Variants in CDKAL1 observed in about 807,000 individuals in gnomAD.
CDKAL1 encodes threonylcarbamoyladenosine tRNA methylthiotransferase.
A neutral mutation model predicts 68.2 loss-of-function variants in CDKAL1; 32 were observed. The observed-to-expected ratio is 0.47, with a 90% CI of 0.35 to 0.63. The LOEUF is 0.63. CDKAL1 is among the 30% of genes least tolerant of loss of function. The probability of loss-of-function intolerance (pLI) is 0.00; values close to 1 mark genes in which losing one functional copy is unlikely to be tolerated. For missense variants in CDKAL1, 606 were observed against 696.7 expected (o/e 0.87, Z 1.47); for synonymous variants, 234 against 244.3 (o/e 0.96, Z 0.39).
At chr6:21,186,062 A>G (rs1777997038) in intron 13 of CDKAL1, among the ~76,000 whole-genome samples, 1 of 145,560 alleles carries the variant, frequency 6.9e-6, no homozygotes, top group African/African-American at 2.5e-5. Context: ...AGCTAAGCCA[A>G]GAAGTATGGG....
chr6:21,174,516 A>G (rs1303003713), intron 13 of CDKAL1, among the ~76,000 whole-genome samples: 2 of 152,194 alleles, frequency 1.3e-5, no homozygotes, highest in African/African-American at 4.8e-5. Flanking sequence ...TAAACACATG[A>G]AAAGAATTCC....
intron 7 of CDKAL1, among the ~76,000 whole-genome samples, chr6:20,760,565 G>A (rs1356909725): frequency 2.0e-5 from 3 of 152,168 alleles, no homozygotes; most frequent in Non-Finnish European, 4.4e-5. Flanking sequence ...GCTAGTAAGT[G>A]ACAGCATTGG....
chr6:20,715,582 T>C (rs2127836318), intron 5 of CDKAL1, among the ~76,000 whole-genome samples: 1 of 152,264 alleles, frequency 6.6e-6, no homozygotes, highest in South Asian at 2.1e-4. Context: ...AGAAGGTAGA[T>C]TGCTGGGTCA....
chr6:20,536,040 C>T (rs1763156812), intron 2 of CDKAL1, among the ~76,000 whole-genome samples: 1 of 152,238 alleles, frequency 6.6e-6, no homozygotes, highest in South Asian at 2.1e-4. Flanking sequence ...CAAGTGATCC[C>T]ACTTCAGCCT....
chr6:20,833,027 C>T (rs1394617961), intron 8 of CDKAL1, among the ~76,000 whole-genome samples: 2 of 152,110 alleles, frequency 1.3e-5, no homozygotes, highest in Non-Finnish European at 2.9e-5. Flanking sequence ...TTCATTGATA[C>T]GAATTTTATC....
At chr6:20,833,139 A>C (rs1333690478) in intron 8 of CDKAL1, among the ~76,000 whole-genome samples, 1 of 152,158 alleles carries the variant, frequency 6.6e-6, no homozygotes, top group Non-Finnish European at 1.5e-5. Context: ...CATTTATTGA[A>C]GCATTTATTG....
At chr6:21,225,217 T>C (rs1221624025) in intron 15 of CDKAL1, among the ~76,000 whole-genome samples, 1 of 152,078 alleles carries the variant, frequency 6.6e-6, no homozygotes, top group Non-Finnish European at 1.5e-5. Context: ...GAGAGAGGTT[T>C]TCCTAAAGCA....
intron 15 of CDKAL1, among the ~76,000 whole-genome samples, chr6:21,215,669 C>G (rs1303400636): frequency 6.6e-6 from 1 of 152,068 alleles, no homozygotes; most frequent in Non-Finnish European, 1.5e-5. Flanking sequence ...AGCTAAGGGA[C>G]CTTGTCATAG....
At chr6:20,752,397 A>G (rs1773964707) in intron 6 of CDKAL1, among the ~76,000 whole-genome samples, 2 of 152,230 alleles carry the variant, frequency 1.3e-5, no homozygotes, top group African/African-American at 2.4e-5. Flanking sequence ...TAGAGGATAT[A>G]TTTTCAGCTA....
chr6:20,883,343 C>T (rs1460534564), intron 9 of CDKAL1, among the ~76,000 whole-genome samples: 2 of 152,198 alleles, frequency 1.3e-5, no homozygotes, highest in Non-Finnish European at 2.9e-5. Flanking sequence ...GCAGATGCCC[C>T]TTCCCCACAT....
intron 5 of CDKAL1, among the ~76,000 whole-genome samples, chr6:20,703,831 AT>A (rs1221720620): frequency 6.6e-6 from 1 of 152,200 alleles, no homozygotes; most frequent in African/African-American, 2.4e-5. Flanking sequence ...TTTTACACAT[AT>A]TTTCAGGAAT....
chr6:20,904,309 G>A lies in CDKAL1; in HGVS notation c.743-51110G>A, dbSNP rs527831842. ...CCAACACTTTGGGAGGCCAAGGTGG[G>A]AGGATTGCTTGAGCTCAGAACTTCA... On this transcript the variant is annotated intron_variant, in intron 9 of 15. Transcript: ENST00000274695. Among the ~76,000 whole-genome samples the A allele has an allele frequency of 7.9e-5, 12 of 152,270 alleles. No homozygotes were observed. The South Asian group carries it at 2.5e-3, about 32-fold the overall frequency.
Position 20,992,031 on chromosome 6 carries a change from C to CTTTTTT in CDKAL1, c.910-8179_910-8174dup, listed in dbSNP as rs71530401. On this transcript the variant is annotated intron_variant, in intron 10 of 15. Coordinates refer to ENST00000274695, the MANE Select transcript of CDKAL1 (RefSeq NM_017774.3). Reference sequence around the variant, plus strand: ...TTTCCCCCACCTTTTTTTTTCTTTTCTTTTTTTTTTTTTTTTTTTTTTGAG... The same window carrying CTTTTTT: ...TTTCCCCCACCTTTTTTTTTCTTTTCTTTTTTTTTTTTTTTTTTTTTTTTTTTTGAG... Among the ~76,000 whole-genome samples the CTTTTTT allele has an allele frequency of 7.7e-4, 77 of 100,462 alleles. 1 individual carries two copies. Among genetic ancestry groups the CTTTTTT allele is most frequent in the African/African-American group, 1.6e-3 (37 of 23,550 alleles). 65.9% of individuals were successfully genotyped at this position (100,462 alleles called of 152,430 possible). A position where few individuals can be genotyped will look rare whatever the true frequency, so the allele number is the denominator to read the frequency against.
At chr6:20,939,012 C>T (rs529218614) in intron 9 of CDKAL1, among the ~76,000 whole-genome samples, 129 of 152,180 alleles carry the variant, frequency 8.5e-4, no homozygotes, top group African/African-American at 3.0e-3. Flanking sequence ...TCCCTTTCTT[C>T]CTGTCTTCTT....
intron 9 of CDKAL1, among the ~76,000 whole-genome samples, chr6:20,927,366 A>G (rs1763233921): frequency 6.6e-6 from 1 of 152,196 alleles, no homozygotes; most frequent in Admixed American, 6.5e-5. Context: ...CAGCACTGTG[A>G]TTTCAAAAAG....
chr6:21,202,125 A>G (rs753200194), intron 15 of CDKAL1, among the ~76,000 whole-genome samples: 2 of 152,144 alleles, frequency 1.3e-5, no homozygotes, highest in Non-Finnish European at 2.9e-5. Context: ...CACTCTGGCA[A>G]TAGTACCGCT....
At chr6:20,963,735 A>G (rs1765167317) in intron 10 of CDKAL1, among the ~76,000 whole-genome samples, 1 of 152,224 alleles carries the variant, frequency 6.6e-6, no homozygotes, top group African/African-American at 2.4e-5. Flanking sequence ...TGCCTAGATC[A>G]TACTTAAAAA....
chr6:20,725,641 G>A (rs1190320883), intron 5 of CDKAL1, among the ~76,000 whole-genome samples: 5 of 152,068 alleles, frequency 3.3e-5, no homozygotes, highest in African/African-American at 7.2e-5. Flanking sequence ...AAAATTAGCC[G>A]GGCGTGGTGG....
intron 10 of CDKAL1, among the ~76,000 whole-genome samples, chr6:20,972,389 T>C (rs1765641496): frequency 6.6e-6 from 1 of 152,196 alleles, no homozygotes; most frequent in Admixed American, 6.5e-5. Flanking sequence ...TTCCTTAGCC[T>C]TTAGTTAAGT....
Sources: gnomAD v4.1 joint callset for allele counts (sites outside exome capture counted in the v4.1 genomes callset) on GRCh38, gnomAD v4.1.1 for gene constraint, MANE v1.5 for transcripts, NCBI Gene and HGNC (gene_info 2026-07-23, HGNC 2026-07-21) for gene names.